HELZ2: variants seen among roughly 807,000 people sequenced by gnomAD.
The protein encoded by HELZ2 is helicase with zinc finger 2.
A neutral mutation model predicts 208.8 loss-of-function variants in HELZ2; 143 were observed. The observed-to-expected ratio is 0.68, with a 90% CI of 0.60 to 0.79. HELZ2 has a LOEUF of 0.79. Among genes scored for constraint, HELZ2 ranks in the 30% least tolerant of loss-of-function variants. The probability of loss-of-function intolerance (pLI) is 0.00; values close to 1 mark genes in which losing one functional copy is unlikely to be tolerated. For missense variants in HELZ2, 3,690 were observed against 3,794.5 expected (o/e 0.97, Z 0.72); for synonymous variants, 1,705 against 1,693.7 (o/e 1.01, Z -0.16).
chr20:63,569,495 G>T (rs2082997418), exon 4 of HELZ2: 1 of 1,611,562 alleles, frequency 6.2e-7, no homozygotes, highest in African/African-American at 1.3e-5. Flanking sequence ...GCTCAAAGGT[G>T]CCGAACGAGG....
At chr20:63,573,979 C>T (rs1246704726), upstream of HELZ2, among the ~76,000 whole-genome samples, 2 of 152,114 alleles carry the variant, frequency 1.3e-5, no homozygotes, top group African/African-American at 2.4e-5. The surrounding 1 kb of genome is among the most constrained non-coding windows in gnomAD (Gnocchi z 4.9). Flanking sequence ...GGTCTTGCTG[C>T]GGAGGGTGCT....
exon 8 of HELZ2, chr20:63,565,606 G>A (rs748560229): frequency 1.9e-5 from 30 of 1,610,016 alleles, no homozygotes; most frequent in African/African-American, 9.3e-5. Flanking sequence ...GTAGGATGGC[G>A]TCGTCAGCGT....
chr20:63,562,759 G>A (rs532409319), exon 8 of HELZ2: 2 of 1,603,904 alleles, frequency 1.2e-6, no homozygotes, highest in African/African-American at 1.3e-5. Flanking sequence ...CAGGGCGTGG[G>A]CTGGCCGTGG....
chr20:63,572,482 C>T, upstream of HELZ2: 1 of 1,327,388 alleles, frequency 7.5e-7, no homozygotes, highest in Non-Finnish European at 1.0e-6. Flanking sequence ...GCTGGCCGGC[C>T]CGGGGCCGCG....
exon 6 of HELZ2, chr20:63,567,569 C>T (rs753288602): frequency 5.0e-6 from 8 of 1,585,176 alleles, no homozygotes; most frequent in Middle Eastern, 1.7e-4. Context: ...GGAGTGGCCT[C>T]GGGGTGGCCG....
chr20:63,561,741 C>G (rs1167410241), exon 12 of HELZ2: 1 of 1,599,088 alleles, frequency 6.3e-7, no homozygotes, highest in Admixed American at 1.7e-5. Flanking sequence ...TTCTCAGGAG[C>G]AGTCCTGAGG....
exon 8 of HELZ2, chr20:63,563,961 A>G: frequency 1.3e-6 from 2 of 1,596,888 alleles, no homozygotes; most frequent in Non-Finnish European, 1.7e-6. Context: ...GTGGTGACCA[A>G]GTCCACCATC....
exon 6 of HELZ2, chr20:63,567,298 C>T: frequency 6.2e-7 from 1 of 1,609,752 alleles, no homozygotes; most frequent in South Asian, 1.1e-5. Flanking sequence ...GAGGCGGGTG[C>T]CGTGCGAGGC....
chr20:63,572,528 T>A, upstream of HELZ2: 2 of 921,976 alleles, frequency 2.2e-6, no homozygotes, highest in Non-Finnish European at 3.1e-6. Flanking sequence ...GCGGCGGCCC[T>A]CGGCGCTCAC....
exon 6 of HELZ2, chr20:63,567,123 G>C (rs758702609): frequency 1.2e-6 from 2 of 1,611,570 alleles, no homozygotes; most frequent in Non-Finnish European, 1.7e-6. Flanking sequence ...TGGCGTCCGT[G>C]CAGCGGTAGT....
chr20:63,562,218 C>A lies in HELZ2; in HGVS notation c.6398-15G>T, dbSNP rs373503055. The A allele has an allele frequency of 1.9e-6, 3 of 1,611,306 alleles. No individual in the cohort carries two copies. Among genetic ancestry groups the A allele is most frequent in the Non-Finnish European group, 1.7e-6 (2 of 1,179,416 alleles). Reference sequence around the variant, plus strand: ...GCTGGGGATCACTGAGAGGGGGCAGCCTCCCTGAGCACTCATGCAGGGTGG... The same window carrying A: ...GCTGGGGATCACTGAGAGGGGGCAGACTCCCTGAGCACTCATGCAGGGTGG... On this transcript the variant is annotated splice_polypyrimidine_tract_variant and intron_variant, in intron 9 of 18. Transcript: ENST00000467148.
chr20:63,561,217 G>A (rs1175010431), exon 14 of HELZ2: 15 of 1,612,796 alleles, frequency 9.3e-6, no homozygotes, highest in African/African-American at 1.3e-5. Flanking sequence ...AGGTGCAGAG[G>A]ATGACCTCAT....
chr20:63,560,147 C>A, intron 17 of HELZ2, 24 bp downstream of exon 18: 2 of 1,550,354 alleles, frequency 1.3e-6, no homozygotes, highest in Non-Finnish European at 1.7e-6. Context: ...CCTCCCGGCC[C>A]CACCCACGAG....
In HELZ2 at chr20:63,566,459, G is replaced by A; in HGVS notation, c.2515-6C>T. ...TCCTGCCTCAGTGCACTGACCTGAAGACGCAGCAGGGCCGGGGATGAGTGC... is the reference window on the plus strand; with the variant it reads ...TCCTGCCTCAGTGCACTGACCTGAAAACGCAGCAGGGCCGGGGATGAGTGC... On this transcript the variant is annotated splice_polypyrimidine_tract_variant and splice_region_variant and intron_variant, in intron 6 of 18. Coordinates refer to ENST00000467148, the Ensembl canonical transcript of HELZ2. The A allele has an allele frequency of 6.5e-7, 1 of 1,548,088 alleles. No homozygotes were observed. The highest frequency in any genetic ancestry group is 1.2e-5 in the South Asian group (1 of 83,956).
At position 63,566,952 on chromosome 20, in the gene HELZ2, AG is replaced by A; in HGVS notation, c.2405del (p.Ala802ValfsTer41). On this transcript the variant is annotated frameshift_variant, in exon 6 of 19. Transcript: ENST00000467148. LOFTEE classifies it high-confidence loss of function. The stretch of plus-strand genomic sequence containing the variant: ...CCTTCTCGACGACCTGCGCAATCTC[AG>A]CCAGATTCAGCCAGGACGCCATGGA... 1 of 1,610,842 alleles carries A rather than the reference AG, an allele frequency of 6.2e-7. No individual in the cohort carries two copies. The highest frequency in any genetic ancestry group is 8.5e-7 in the Non-Finnish European group (1 of 1,179,758).
chr20:63,562,035 C>T (rs773523631), intron 10 of HELZ2, 37 bp downstream of exon 11: 4 of 1,602,692 alleles, frequency 2.5e-6, no homozygotes, highest in Non-Finnish European at 3.4e-6. Flanking sequence ...TCCCTGTGGC[C>T]CAAGGCAGCC....
chr20:63,559,023 C>G, downstream of HELZ2: 1 of 510,282 alleles, frequency 2.0e-6, no homozygotes, highest in South Asian at 2.7e-5. Flanking sequence ...CTCTTGGCCA[C>G]CCTGAGAGGT....
At position 63,564,409 on chromosome 20, in the gene HELZ2, G is replaced by A. The variant is rs562359913; in HGVS notation, c.4413C>T (p.Ala1471=). 1.0e-4 allele frequency: 157 copies of A among 1,545,396 alleles called. 1 individual carries two copies. The African/African-American group carries it at 1.4e-3, about 14-fold the overall frequency. The stretch of plus-strand genomic sequence containing the variant: ...CCAGGCGGGCCGGCAGCTCACGGCC[G>A]GCACCCGGGTGCTGCCTGATCACCT... Residue 1471 remains alanine, a synonymous_variant, in exon 8 of 19, where the codon GCC becomes GCT. Transcript: ENST00000467148.
rs371335525 is a variant in HELZ2, at chr20:63,559,957, G to A, written c.7796C>T (p.Thr2599Met). 3.0e-5 allele frequency: 48 copies of A among 1,611,452 alleles called. No individual in the cohort carries two copies. Among genetic ancestry groups the A allele is most frequent in the South Asian group, 7.7e-5 (7 of 91,074 alleles). ...CAGGCAGAGCCCCTCCTGGGCCCGC[G>A]TGACAGCCACATTCACTTGGTTGGG... is the stretch of plus-strand genomic sequence containing the variant. Residue 2599 changes from threonine to methionine, a missense_variant, in exon 18 of 19, where the codon ACG (threonine) becomes ATG (methionine). Around this residue, in one of 3 missense-constraint regions of HELZ2, gnomAD observed 2,564 missense variants for 2,580.5 expected, o/e 0.99. Coordinates refer to ENST00000467148, the Ensembl canonical transcript of HELZ2.
Sources: gnomAD v4.1 joint callset for allele counts (sites outside exome capture counted in the v4.1 genomes callset) on GRCh38, gnomAD v4.1.1 for gene constraint, gnomAD v4.1.1 regional missense constraint, Gnocchi (gnomAD v3.1) non-coding constraint, MANE v1.5 for transcripts, NCBI Gene and HGNC (gene_info 2026-07-23, HGNC 2026-07-21) for gene names.